The following ZMAT4 variants were observed in gnomAD, a reference collection of about 807,000 sequenced individuals.
The protein encoded by ZMAT4 is zinc finger matrin-type 4, also known as zinc finger matrin-type protein 4.
ZMAT4 carries 17 observed loss-of-function variants against 28.7 expected under a neutral mutation model. The ratio of observed to expected loss-of-function variants is 0.59; its 90% CI spans 0.41 to 0.89. The LOEUF is 0.89. Among genes scored for constraint, ZMAT4 ranks in the 40% least tolerant of loss-of-function variants. ZMAT4 has a pLI of 0.00. For synonymous variants in ZMAT4, 117 were observed against 109.2 expected (o/e 1.07, Z -0.44); for missense variants, 240 against 283.8 (o/e 0.85, Z 1.11).
At chr8:40,558,356 C>A (rs371450452) in intron 6 of ZMAT4, among the ~76,000 whole-genome samples, 1 of 152,056 alleles carries the variant, frequency 6.6e-6, no homozygotes, top group African/African-American at 2.4e-5. Context: ...AGGCAAATGT[C>A]CCCACAGGGA....
At chr8:40,811,535 G>T (rs73617463) in intron 2 of ZMAT4, among the ~76,000 whole-genome samples, 5,078 of 152,258 alleles carry the variant, frequency 0.033, 281 homozygotes, top group African/African-American at 0.11. Flanking sequence ...CTAAGCTGGA[G>T]TCACTTTTGT....
intron 1 of ZMAT4, among the ~76,000 whole-genome samples, chr8:40,867,875 G>T (rs147754669): frequency 2.1e-4 from 32 of 151,878 alleles, no homozygotes; most frequent in Non-Finnish European, 4.1e-4. Context: ...GCACACATTT[G>T]CTTATGTAAC....
rs953309326 is a variant in ZMAT4 at position 40,554,830 on chromosome 8, C to T, written c.675-22592G>A. On this transcript the variant is annotated intron_variant, in intron 6 of 6. Coordinates refer to ENST00000297737, the MANE Select transcript of ZMAT4 (RefSeq NM_024645.3). ...TTGGTAATATTTAAAGTCCTCTATT[C>T]TAGCCACTTTGAAATAAACAACACA... Among the ~76,000 whole-genome samples, 3 of 152,092 alleles carry T rather than the reference C, an allele frequency of 2.0e-5. No homozygotes were observed. In the East Asian group the frequency reaches 5.8e-4, roughly 29 times the overall value.
intron 2 of ZMAT4, among the ~76,000 whole-genome samples, chr8:40,807,507 C>G (rs960022994): frequency 1.3e-5 from 2 of 152,136 alleles, no homozygotes; most frequent in African/African-American, 4.8e-5. Flanking sequence ...TATGGATGAT[C>G]TAAGTGTTCC....
chr8:40,606,829 G>A (rs1805607634), intron 5 of ZMAT4, among the ~76,000 whole-genome samples: 2 of 152,164 alleles, frequency 1.3e-5, no homozygotes, highest in Admixed American at 1.3e-4. Context: ...TTCTTCATAG[G>A]GAACACCAAT....
At chr8:40,857,522 C>T (rs769554718) in intron 1 of ZMAT4, among the ~76,000 whole-genome samples, 4 of 152,192 alleles carry the variant, frequency 2.6e-5, no homozygotes, top group Non-Finnish European at 4.4e-5. Flanking sequence ...GCTGACAATA[C>T]ATAGTGCTGG....
intron 5 of ZMAT4, among the ~76,000 whole-genome samples, chr8:40,596,862 C>A (rs140314101): frequency 6.6e-6 from 1 of 152,124 alleles, no homozygotes; most frequent in South Asian, 2.1e-4. Context: ...ACAGAGAGGA[C>A]GAAGGCCATA....
chr8:40,591,836 C>A (rs892656499), intron 5 of ZMAT4, among the ~76,000 whole-genome samples: 1 of 151,998 alleles, frequency 6.6e-6, no homozygotes. Context: ...CTTACGAATA[C>A]TATGAGCTCT....
intron 5 of ZMAT4, among the ~76,000 whole-genome samples, chr8:40,669,631 T>C (rs1808587726): frequency 6.6e-6 from 1 of 152,228 alleles, no homozygotes; most frequent in South Asian, 2.1e-4. Flanking sequence ...TTATTTATGT[T>C]ACTTTATTGT....
At chr8:40,709,422 T>C (rs1219767530) in intron 3 of ZMAT4, among the ~76,000 whole-genome samples, 1 of 152,158 alleles carries the variant, frequency 6.6e-6, no homozygotes, top group Non-Finnish European at 1.5e-5. Context: ...GTAAAATTAC[T>C]AAACCGTATA....
chr8:40,808,491 A>G (rs1815180564), intron 2 of ZMAT4: 1 of 453,588 alleles, frequency 2.2e-6, no homozygotes, highest in South Asian at 1.6e-5. Flanking sequence ...ATGCAGTAGT[A>G]TAAAGCTGAA....
chr8:40,577,331 A>G (rs1804300678), intron 6 of ZMAT4, among the ~76,000 whole-genome samples: 1 of 152,234 alleles, frequency 6.6e-6, no homozygotes, highest in Non-Finnish European at 1.5e-5. Flanking sequence ...AAAGACATAT[A>G]ATACTATTTA....
At chr8:40,809,217 C>A (rs969680098) in intron 2 of ZMAT4, among the ~76,000 whole-genome samples, 2 of 152,168 alleles carry the variant, frequency 1.3e-5, no homozygotes, top group South Asian at 4.1e-4. Flanking sequence ...AAACCAAATA[C>A]TTCATGTTTT....
intron 3 of ZMAT4, among the ~76,000 whole-genome samples, chr8:40,713,434 G>C (rs921867352): frequency 6.6e-6 from 1 of 151,422 alleles, no homozygotes; most frequent in Non-Finnish European, 1.5e-5. Flanking sequence ...ATCAAGGTAA[G>C]GTAATGGTAG....
At chr8:40,782,920 G>A (rs1586043835) in intron 2 of ZMAT4, among the ~76,000 whole-genome samples, 1 of 152,196 alleles carries the variant, frequency 6.6e-6, no homozygotes, top group Admixed American at 6.5e-5. Flanking sequence ...AATAACAAGT[G>A]TTCCCCAAGG....
intron 2 of ZMAT4, among the ~76,000 whole-genome samples, chr8:40,824,644 G>A (rs1196735423): frequency 7.6e-6 from 1 of 130,786 alleles, no homozygotes; most frequent in Non-Finnish European, 1.6e-5. Flanking sequence ...AAAGGAAGAA[G>A]GGAAGGAAGG....
chr8:40,626,464 T>C (rs138298891), intron 5 of ZMAT4, among the ~76,000 whole-genome samples: 2 of 152,232 alleles, frequency 1.3e-5, no homozygotes, highest in African/African-American at 4.8e-5. Flanking sequence ...AAAGGAAAAA[T>C]TCCTGAACAT....
At chr8:40,848,236 C>T (rs559792205) in intron 1 of ZMAT4, among the ~76,000 whole-genome samples, 1 of 152,282 alleles carries the variant, frequency 6.6e-6, no homozygotes, top group South Asian at 2.1e-4. Flanking sequence ...CCCAAAGCAA[C>T]ACCAGCCCAT....
chr8:40,650,603 A>T (rs12216765), intron 5 of ZMAT4, among the ~76,000 whole-genome samples: 20 of 123,076 alleles, frequency 1.6e-4, no homozygotes, highest in African/African-American at 5.5e-4. Flanking sequence ...TGATACCAAA[A>T]CCAGGCAGAG....
Sources: allele counts gnomAD v4.1 joint callset (sites outside exome capture counted in the v4.1 genomes callset), GRCh38; gene constraint gnomAD v4.1.1; transcripts MANE v1.5; gene names NCBI Gene and HGNC (gene_info 2026-07-23, HGNC 2026-07-21).